GRIN2B: variants seen among roughly 807,000 people sequenced by gnomAD.
GRIN2B encodes the protein glutamate ionotropic receptor NMDA type subunit 2B, also known as glutamate receptor ionotropic, NMDA 2B.
In GRIN2B, 5 loss-of-function variants were observed where a neutral mutation model predicts 114.5. The observed-to-expected ratio is 0.04, with a 90% CI of 0.02 to 0.09. The LOEUF (loss-of-function observed/expected upper bound fraction) is 0.09. GRIN2B is among the 10% of genes least tolerant of loss of function. The probability of loss-of-function intolerance (pLI) is 1.00; values close to 1 mark genes in which losing one functional copy is unlikely to be tolerated. For synonymous variants in GRIN2B, 787 were observed against 745.1 expected, an observed-to-expected ratio of 1.06 and a Z score of -0.92; for missense variants, 1,108 against 1,943.5, an observed-to-expected ratio of 0.57 and a Z score of 8.08.
At chr12:13,712,069 TC>T (rs1168794398) in intron 4 of GRIN2B, among the ~76,000 whole-genome samples, 1 of 152,098 alleles carries the variant, frequency 6.6e-6, no homozygotes, top group Non-Finnish European at 1.5e-5. Context: ...TGAGTTCATG[TC>T]CTTTGTAGGG....
At chr12:13,672,727 T>G (rs1277296689) in intron 5 of GRIN2B, among the ~76,000 whole-genome samples, 1 of 152,154 alleles carries the variant, frequency 6.6e-6, no homozygotes, top group East Asian at 1.9e-4. Flanking sequence ...TTCTATTCTA[T>G]TATCTCAACC....
chr12:13,780,834 CAA>C (rs200061187), intron 3 of GRIN2B, among the ~76,000 whole-genome samples: 25 of 84,640 alleles, frequency 3.0e-4, no homozygotes, highest in Non-Finnish European at 5.2e-4. Flanking sequence ...CAGGTTTTGC[CAA>C]AAAAAAAAAA....
chr12:13,913,680 C>A (rs1866662038), intron 2 of GRIN2B, among the ~76,000 whole-genome samples: 1 of 152,166 alleles, frequency 6.6e-6, no homozygotes, highest in East Asian at 1.9e-4. Context: ...CTAGACGAGG[C>A]ACATACTCCA....
chr12:13,888,899 G>C (rs1466232770), intron 2 of GRIN2B, among the ~76,000 whole-genome samples: 1 of 151,842 alleles, frequency 6.6e-6, no homozygotes, highest in Admixed American at 6.6e-5. Flanking sequence ...GGACATTACT[G>C]TACACTACTA....
chr12:13,701,666 T>C (rs535573922), intron 4 of GRIN2B, among the ~76,000 whole-genome samples: 1 of 152,178 alleles, frequency 6.6e-6, no homozygotes, highest in South Asian at 2.1e-4. Context: ...AAGATCACAA[T>C]GGAAGGTTTT....
intron 5 of GRIN2B, among the ~76,000 whole-genome samples, chr12:13,629,267 G>A (rs137990268): frequency 6.6e-6 from 1 of 152,282 alleles, no homozygotes. Context: ...ATAGTTTTTT[G>A]TCAGATATTC....
Position 13,753,451 on chromosome 12 carries a change from T to C in GRIN2B, c.876A>G (p.Arg292=), listed in dbSNP as rs876661173. 6.2e-7 allele frequency: 1 copy of C among 1,614,098 alleles called. No individual in the cohort carries two copies. The highest frequency in any genetic ancestry group is 8.5e-7 in the Non-Finnish European group (1 of 1,179,956). The change falls in exon 4 of 14, where the codon AGA becomes AGG. Residue 292 remains arginine, a synonymous_variant. Coordinates refer to ENST00000609686, the MANE Select transcript of GRIN2B (RefSeq NM_000834.5). This position sits in a 1 kb window ranked among gnomAD's most constrained non-coding sequence, Gnocchi z 6.2. ...YDEWDYGLPA[R]VRDGIAIITT... is the part of the protein sequence containing the mutation. ...TGATTATGGCAATTCCATCTCTCAC[T>C]CTGGCGGGGAGGCCATAGTCCCATT...
chr12:13,870,925 T>A (rs1865895124), intron 2 of GRIN2B, among the ~76,000 whole-genome samples: 1 of 152,162 alleles, frequency 6.6e-6, no homozygotes, highest in African/African-American at 2.4e-5. Context: ...AAAGTGGTAG[T>A]ATCTATCGAA....
At chr12:13,976,379 A>G (rs1863018888) in intron 2 of GRIN2B, among the ~76,000 whole-genome samples, 1 of 152,208 alleles carries the variant, frequency 6.6e-6, no homozygotes, top group African/African-American at 2.4e-5. Context: ...ACTGAAAGGA[A>G]GAAATTTCTA....
chr12:13,837,548 T>C (rs1182164467), intron 3 of GRIN2B, among the ~76,000 whole-genome samples: 3 of 152,180 alleles, frequency 2.0e-5, no homozygotes, highest in Admixed American at 6.5e-5. Flanking sequence ...ATGTTAACCA[T>C]ACATGGCTGG....
In GRIN2B at chr12:13,591,069, G is replaced by A. The variant is rs12306487; in HGVS notation, c.2010+17534C>T. Among the ~76,000 whole-genome samples, 1,120 of 152,282 alleles carry A rather than the reference G, an allele frequency of 7.4e-3. 13 individuals carry two copies. Among genetic ancestry groups the A allele is most frequent in the African/African-American group, 0.026 (1,065 of 41,548 alleles). ...AGATGCTCTTCATCCAGGCATCCTC[G>A]GAGCCAGAGCTAGTTTCAAGGGGTC... On this transcript the variant is annotated intron_variant, in intron 10 of 13. Coordinates refer to ENST00000609686, the MANE Select transcript of GRIN2B (RefSeq NM_000834.5).
At chr12:13,885,720 T>C (rs1393089100) in intron 2 of GRIN2B, among the ~76,000 whole-genome samples, 1 of 152,224 alleles carries the variant, frequency 6.6e-6, no homozygotes, top group Non-Finnish European at 1.5e-5. Flanking sequence ...AGTAGTATTC[T>C]GAAGTTTTAA....
At chr12:13,713,503 G>A (rs1002288122) in intron 4 of GRIN2B, among the ~76,000 whole-genome samples, 2 of 151,822 alleles carry the variant, frequency 1.3e-5, no homozygotes, top group African/African-American at 4.8e-5. Flanking sequence ...GCAGAAATCA[G>A]TACCTATATT....
Position 13,753,906 on chromosome 12 carries a change from A to G in GRIN2B, c.421T>C (p.Ser141Pro). 1 of 1,601,130 alleles carries G rather than the reference A, an allele frequency of 6.2e-7. No individual in the cohort carries two copies. The highest frequency in any genetic ancestry group is 8.6e-7 in the Non-Finnish European group (1 of 1,168,186). The change falls in exon 4 of 14, where the codon TCC becomes CCC. Residue 141 changes from serine to proline, a missense_variant. This residue lies in a region of GRIN2B where 199 missense variants were observed against 439.6 expected (regional missense o/e 0.45). Transcript: ENST00000609686. The surrounding 1 kb of genome is among the most constrained non-coding windows in gnomAD (Gnocchi z 6.2). ...GATGGGCCAAACTGGAAGAACATGG[A>G]GGATTCATCCTAGAAAAAGAACAGG... ...SMIMADKDESSMFFQFGPSIE... is the reference protein window; with the variant it reads ...SMIMADKDESPMFFQFGPSIE...
chr12:13,972,740 G>A (rs1862951194), intron 2 of GRIN2B, among the ~76,000 whole-genome samples: 1 of 152,200 alleles, frequency 6.6e-6, no homozygotes, highest in South Asian at 2.1e-4. Flanking sequence ...TGTCGAGGAG[G>A]ACACGTAACC....
Position 13,615,733 on chromosome 12 carries a change from C to G in GRIN2B, c.1329-69G>C, listed in dbSNP as rs1949430458. On this transcript the variant is annotated intron_variant, in intron 6 of 13. Transcript: ENST00000609686. The surrounding 1 kb of genome is among the most constrained non-coding windows in gnomAD (Gnocchi z 5.8). Reference sequence around the variant, plus strand: ...TGTACAAAAAGCCAACATTTATTACCCTTTGCCATTAAAAAACCTCCAATC... The same window carrying G: ...TGTACAAAAAGCCAACATTTATTACGCTTTGCCATTAAAAAACCTCCAATC... The G allele has an allele frequency of 5.1e-6, 7 of 1,370,866 alleles. No homozygotes were observed. The South Asian group carries it at 8.1e-5, about 16-fold the overall frequency. The allele number at this position is 1,370,866 out of a possible 1,614,324, so 84.9% of individuals were successfully genotyped here. A position where few individuals can be genotyped will look rare whatever the true frequency, so the allele number is the denominator to read the frequency against.
intron 10 of GRIN2B, among the ~76,000 whole-genome samples, chr12:13,575,356 T>A (rs1948761093): frequency 6.6e-6 from 1 of 152,150 alleles, no homozygotes; most frequent in Non-Finnish European, 1.5e-5. Flanking sequence ...AGTTAAGGCA[T>A]CCTTCAAATG....
intron 2 of GRIN2B, among the ~76,000 whole-genome samples, chr12:13,890,120 A>G (rs1349653909): frequency 2.0e-5 from 3 of 152,122 alleles, no homozygotes; most frequent in Non-Finnish European, 4.4e-5. Flanking sequence ...CCCTGACTAT[A>G]TGGCTGGCCT....
rs1040093421 is a variant in GRIN2B, at chr12:13,806,999, C to CA, written c.412-53085dup. On this transcript the variant is annotated intron_variant, in intron 3 of 13. Transcript: ENST00000609686. ...GCCATGACAGGGCAAGACTCCATCT[C>CA]AAAAAAAAAAAATTACTCACAGTGC... Among the ~76,000 whole-genome samples the CA allele has an allele frequency of 8.4e-3, 1,209 of 143,904 alleles. 23 individuals carry two copies. The highest frequency in any genetic ancestry group is 0.028 in the African/African-American group (1,122 of 39,446). The allele number at this position is 143,904 out of a possible 152,430, so 94.4% of individuals were successfully genotyped here.
Sources: allele counts gnomAD v4.1 joint callset (sites outside exome capture counted in the v4.1 genomes callset), GRCh38; gene constraint gnomAD v4.1.1; regional missense constraint gnomAD v4.1.1; non-coding constraint Gnocchi (gnomAD v3.1); transcripts MANE v1.5; gene names NCBI Gene and HGNC (gene_info 2026-07-23, HGNC 2026-07-21).